PDE4B: variants seen among roughly 807,000 people sequenced by gnomAD.
PDE4B encodes the protein 3',5'-cyclic-AMP phosphodiesterase 4B.
PDE4B carries 20 observed loss-of-function variants against 82.2 expected under a neutral mutation model. The ratio of observed to expected loss-of-function variants is 0.24; its 90% CI spans 0.17 to 0.35. PDE4B has a LOEUF of 0.35. Ranked by LOEUF, PDE4B falls within the 10% of genes least tolerant of loss-of-function variation. PDE4B has a pLI of 1.00. For missense variants in PDE4B, 655 were observed against 907.2 expected (o/e 0.72, Z 3.57); for synonymous variants, 320 against 318.9 (o/e 1.00, Z -0.04).
chr1:66,288,322 A>G (rs1181309202), intron 7 of PDE4B, among the ~76,000 whole-genome samples: 2 of 152,022 alleles, frequency 1.3e-5, no homozygotes, highest in East Asian at 3.9e-4. Flanking sequence ...GAGAAAACCA[A>G]CCACATGATT....
At chr1:66,097,996 T>C (rs1263622934) in intron 3 of PDE4B, among the ~76,000 whole-genome samples, 1 of 152,032 alleles carries the variant, frequency 6.6e-6, no homozygotes, top group Non-Finnish European at 1.5e-5. Flanking sequence ...CACCAATTAG[T>C]CTAGGGTTAC....
intron 3 of PDE4B, among the ~76,000 whole-genome samples, chr1:65,991,376 C>T (rs1302495270): frequency 6.6e-6 from 1 of 152,178 alleles, no homozygotes; most frequent in Non-Finnish European, 1.5e-5. Context: ...CCACCACGCT[C>T]AGCCCAAATG....
intron 9 of PDE4B, chr1:66,360,701 A>G (rs1392299524): frequency 6.6e-6 from 1 of 152,208 alleles, no homozygotes; most frequent in Non-Finnish European, 1.5e-5. Flanking sequence ...AGTACTGAAG[A>G]TACATCTCCC....
intron 1 of PDE4B, among the ~76,000 whole-genome samples, chr1:65,866,042 C>A (rs1404049362): frequency 6.6e-6 from 1 of 152,172 alleles, no homozygotes; most frequent in Non-Finnish European, 1.5e-5. Flanking sequence ...CACACCAAGC[C>A]ATGTTCTTCA....
At chr1:65,866,449 T>G (rs1294452759) in intron 1 of PDE4B, among the ~76,000 whole-genome samples, 1 of 152,052 alleles carries the variant, frequency 6.6e-6, no homozygotes, top group African/African-American at 2.4e-5. Flanking sequence ...AAAAATAAAG[T>G]CAGCAACAAC....
At chr1:66,084,465 T>C (rs1656901447) in intron 3 of PDE4B, among the ~76,000 whole-genome samples, 1 of 152,150 alleles carries the variant, frequency 6.6e-6, no homozygotes. Context: ...AATAAAGAGC[T>C]TCTTAGGAAT....
intron 7 of PDE4B, among the ~76,000 whole-genome samples, chr1:66,304,757 A>C (rs1658151498): frequency 6.6e-6 from 1 of 152,128 alleles, no homozygotes; most frequent in South Asian, 2.1e-4. Flanking sequence ...GGGTTGGAAA[A>C]TGTCCCTCGC....
chr1:66,287,599 GGCCTGGCAATCATTA>G (rs1352540195), intron 7 of PDE4B, among the ~76,000 whole-genome samples: 9 of 152,074 alleles, frequency 5.9e-5, no homozygotes, highest in Non-Finnish European at 1.2e-4. Flanking sequence ...CCCAAATTCT[GGCCTGGCAATCATTA>G]GCTCTGTGAT....
chr1:66,174,631 C>T (rs1646898231), intron 3 of PDE4B, among the ~76,000 whole-genome samples: 1 of 152,078 alleles, frequency 6.6e-6, no homozygotes, highest in African/African-American at 2.4e-5. Flanking sequence ...TGGCACATGC[C>T]TGTAATCCCA....
rs1570694439 is a variant in PDE4B at position 66,324,615 on chromosome 1, A to C, written c.635-7893A>C. 2.0e-5 allele frequency among the ~76,000 whole-genome samples: 3 copies of C among 152,200 alleles called. No homozygotes were observed. The East Asian group carries it at 5.8e-4, about 29-fold the overall frequency. The stretch of plus-strand genomic sequence containing the variant: ...GGAATTTGCTAAAGAGATCGGCATC[A>C]AAATGACCTACTTTTCACTGTTATT... On this transcript the variant is annotated intron_variant, in intron 7 of 16. Transcript: ENST00000341517.
At chr1:65,828,438 G>T (rs1646043837) in intron 1 of PDE4B, among the ~76,000 whole-genome samples, 2 of 151,900 alleles carry the variant, frequency 1.3e-5, no homozygotes, top group African/African-American at 4.8e-5. Flanking sequence ...TAGAGACAGG[G>T]TTTCACCATG....
At chr1:66,007,236 G>C (rs1272413933) in intron 3 of PDE4B, among the ~76,000 whole-genome samples, 1 of 152,104 alleles carries the variant, frequency 6.6e-6, no homozygotes, top group Non-Finnish European at 1.5e-5. Flanking sequence ...TTTGAGGTCA[G>C]GCATTCAAGA....
chr1:65,890,852 A>G (rs1485502663), intron 1 of PDE4B, among the ~76,000 whole-genome samples: 1 of 151,980 alleles, frequency 6.6e-6, no homozygotes, highest in Non-Finnish European at 1.5e-5. Flanking sequence ...CACAGACACA[A>G]CTGCAGAATG....
chr1:65,871,222 T>C (rs1646569571), intron 1 of PDE4B, among the ~76,000 whole-genome samples: 1 of 152,340 alleles, frequency 6.6e-6, no homozygotes, highest in South Asian at 2.1e-4. Context: ...TTAAATCTCT[T>C]CATGACTAAG....
intron 10 of PDE4B, 82 bp downstream of exon 10, chr1:66,361,875 T>A: frequency 8.8e-7 from 1 of 1,133,146 alleles, no homozygotes; most frequent in Non-Finnish European, 1.2e-6. Flanking sequence ...GAAAATAGTA[T>A]GGATTGCTTT....
intron 3 of PDE4B, among the ~76,000 whole-genome samples, chr1:66,079,837 G>T (rs972171960): frequency 6.6e-6 from 1 of 152,096 alleles, no homozygotes; most frequent in African/African-American, 2.4e-5. Context: ...AAATTGTGAA[G>T]TAGTCTTTCC....
At chr1:65,792,868 C>T (rs1645587091), upstream of PDE4B, among the ~76,000 whole-genome samples, 1 of 151,892 alleles carries the variant, frequency 6.6e-6, no homozygotes, top group Non-Finnish European at 1.5e-5. Flanking sequence ...CGGGGGTGGA[C>T]AGTAGGGAGA....
intron 7 of PDE4B, among the ~76,000 whole-genome samples, chr1:66,288,221 C>T (rs571306609): frequency 7.2e-5 from 11 of 151,882 alleles, no homozygotes; most frequent in Non-Finnish European, 1.5e-4. Context: ...AGAGAGAGGG[C>T]AAGGTGCCAC....
intron 3 of PDE4B, among the ~76,000 whole-genome samples, chr1:66,036,902 A>G (rs1654095633): frequency 6.6e-6 from 1 of 152,110 alleles, no homozygotes; most frequent in Admixed American, 6.5e-5. Context: ...TGGGGGGCCA[A>G]CACAGGCAGA....
Sources: gnomAD v4.1 joint callset for allele counts (sites outside exome capture counted in the v4.1 genomes callset) on GRCh38, gnomAD v4.1.1 for gene constraint, MANE v1.5 for transcripts, NCBI Gene and HGNC (gene_info 2026-07-23, HGNC 2026-07-21) for gene names.